YIPF7: variants seen among roughly 807,000 people sequenced by gnomAD.
The protein encoded by YIPF7 is Yip1 domain family member 7.
A neutral mutation model predicts 27.2 loss-of-function variants in YIPF7; 35 were observed. The observed-to-expected ratio is 1.29, with a 90% CI of 0.98 to 1.70. The LOEUF is 1.70. YIPF7 is among the 40% of genes most tolerant of loss of function. The pLI, the probability that YIPF7 is intolerant of heterozygous loss-of-function variation, is 0.00. For missense variants in YIPF7, 358 were observed against 303.7 expected (o/e 1.18, Z -1.33); for synonymous variants, 137 against 110.4 (o/e 1.24, Z -1.51).
chr4:44,656,472 A>G (rs1713904525), upstream of YIPF7, among the ~76,000 whole-genome samples: 1 of 152,106 alleles, frequency 6.6e-6, no homozygotes, highest in Non-Finnish European at 1.5e-5. Flanking sequence ...TTAATTAATG[A>G]ATATATAACT....
chr4:44,632,366 T>C (rs1712937401), intron 3 of YIPF7, among the ~76,000 whole-genome samples: 1 of 152,230 alleles, frequency 6.6e-6, no homozygotes, highest in Admixed American at 6.5e-5. Context: ...TCTACGCAAA[T>C]TGTGGCATTG....
chr4:44,649,927 G>A, intron 2 of YIPF7, 58 bp downstream of exon 2: 3 of 889,504 alleles, frequency 3.4e-6, no homozygotes, highest in South Asian at 1.6e-5. Context: ...TTTACAATAT[G>A]TGGGTGACAG....
intron 1 of YIPF7, among the ~76,000 whole-genome samples, chr4:44,651,010 T>C (rs1341215713): frequency 6.6e-6 from 1 of 152,218 alleles, no homozygotes; most frequent in Non-Finnish European, 1.5e-5. Context: ...GAAAACCTTG[T>C]TATTTTAAAA....
At chr4:44,637,814 G>C (rs1172404078) in intron 2 of YIPF7, among the ~76,000 whole-genome samples, 2 of 152,092 alleles carry the variant, frequency 1.3e-5, no homozygotes, top group African/African-American at 4.8e-5. Context: ...TCATAGCTTA[G>C]CTCCTACTTA....
chr4:44,632,281 T>C (rs2109582524), intron 3 of YIPF7, among the ~76,000 whole-genome samples: 1 of 152,326 alleles, frequency 6.6e-6, no homozygotes, highest in Non-Finnish European at 1.5e-5. Context: ...ATGCAAAATT[T>C]ATTGTTTTGC....
At chr4:44,642,808 T>TA (rs748687976) in intron 2 of YIPF7, among the ~76,000 whole-genome samples, 2 of 152,110 alleles carry the variant, frequency 1.3e-5, no homozygotes, top group Non-Finnish European at 2.9e-5. Context: ...CCACCATGAG[T>TA]AAAAGCTCCC....
At position 44,658,872 on chromosome 4, in the gene YIPF7, C is replaced by G. The variant is rs73249433; in HGVS notation, c.-2+1577G>C. On this transcript the variant is annotated intron_variant, in intron 2 of 2. Transcript: ENST00000508947. ...TGTGGGAGACACTGCCTCCATGATT[C>G]GATTATCTTCAATCATCACCCACTG... 3.1e-3 allele frequency among the ~76,000 whole-genome samples: 468 copies of G among 152,220 alleles called. 2 individuals carry two copies. Among genetic ancestry groups the G allele is most frequent in the Non-Finnish European group, 4.4e-3 (301 of 68,018 alleles).
chr4:44,656,257 G>C (rs1252186434), upstream of YIPF7, among the ~76,000 whole-genome samples: 2 of 151,820 alleles, frequency 1.3e-5, no homozygotes, highest in Non-Finnish European at 2.9e-5. Context: ...CATCCATTTA[G>C]CAAATTGATG....
chr4:44,632,594 T>G (rs1194412109), intron 3 of YIPF7, among the ~76,000 whole-genome samples: 2 of 152,236 alleles, frequency 1.3e-5, no homozygotes, highest in Admixed American at 1.3e-4. Flanking sequence ...TAGGACACTT[T>G]TGAAACAACA....
intron 3 of YIPF7, among the ~76,000 whole-genome samples, chr4:44,633,932 C>A (rs1170857209): frequency 6.6e-6 from 1 of 151,308 alleles, no homozygotes; most frequent in Non-Finnish European, 1.5e-5. Flanking sequence ...TTCCTTTTTT[C>A]CTACAAAATT....
intron 2 of YIPF7, 132 bp downstream of exon 2, chr4:44,649,853 C>T: frequency 1.7e-6 from 1 of 574,416 alleles, no homozygotes; most frequent in Non-Finnish European, 3.0e-6. Flanking sequence ...TTTTGTGGGT[C>T]TAGTTTAGAG....
chr4:44,640,867 C>T (rs1713299599), intron 2 of YIPF7, among the ~76,000 whole-genome samples: 1 of 151,904 alleles, frequency 6.6e-6, no homozygotes. Context: ...TTCCCTAATG[C>T]CTAGGACTGG....
At position 44,636,143 on chromosome 4, in the gene YIPF7, G is replaced by A. The variant is rs550411886; in HGVS notation, c.117-58C>T. 5 of 1,486,372 alleles carry A rather than the reference G, an allele frequency of 3.4e-6. No homozygotes were observed. The Admixed American group carries it at 8.8e-5, about 26-fold the overall frequency. 92.1% of individuals were successfully genotyped at this position (1,486,372 alleles called of 1,614,324 possible). A position where few individuals can be genotyped will look rare whatever the true frequency, so the allele number is the denominator to read the frequency against. On this transcript the variant is annotated intron_variant, in intron 2 of 5. Transcript: ENST00000415895. ...CTAAGAAAAAGGTATCATGACAAAG[G>A]AGGAAAATTACAATTTTACTTACAT...
intron 4 of YIPF7, among the ~76,000 whole-genome samples, chr4:44,626,216 C>T (rs1712628999): frequency 6.6e-6 from 1 of 152,008 alleles, no homozygotes; most frequent in Non-Finnish European, 1.5e-5. Context: ...TCTTATGATA[C>T]CTTCTGTATG....
intron 3 of YIPF7, among the ~76,000 whole-genome samples, chr4:44,635,597 T>G (rs1713087529): frequency 6.6e-6 from 1 of 152,130 alleles, no homozygotes. Flanking sequence ...GGAAGGGTGG[T>G]CACTTTGATG....
At chr4:44,635,146 T>TG (rs1440877213) in intron 3 of YIPF7, among the ~76,000 whole-genome samples, 1 of 152,230 alleles carries the variant, frequency 6.6e-6, no homozygotes, top group Admixed American at 6.5e-5. Flanking sequence ...GCAAAGGACT[T>TG]GGAGTAGTTA....
chr4:44,634,897 A>C (rs1298297582), intron 3 of YIPF7, among the ~76,000 whole-genome samples: 4 of 152,220 alleles, frequency 2.6e-5, no homozygotes, highest in African/African-American at 7.2e-5. Flanking sequence ...GTAGAGGCAA[A>C]ACTGAATGAA....
At chr4:44,632,388 G>A (rs114134783) in intron 3 of YIPF7, among the ~76,000 whole-genome samples, 2,081 of 152,260 alleles carry the variant, frequency 0.014, 24 homozygotes, top group Middle Eastern at 0.031. Context: ...CCTTTCATAT[G>A]GAAGTCTCGA....
intron 2 of YIPF7, 134 bp downstream of exon 2, chr4:44,649,851 G>T: frequency 1.7e-6 from 1 of 573,314 alleles, no homozygotes; most frequent in Non-Finnish European, 3.0e-6. Flanking sequence ...TTTTTTGTGG[G>T]TCTAGTTTAG....
Sources: gnomAD v4.1 joint callset for allele counts (sites outside exome capture counted in the v4.1 genomes callset) on GRCh38, gnomAD v4.1.1 for gene constraint, MANE v1.5 for transcripts, NCBI Gene and HGNC (gene_info 2026-07-23, HGNC 2026-07-21) for gene names.